Variants in GRID2 observed in about 807,000 individuals in gnomAD.
The protein encoded by GRID2 is glutamate ionotropic receptor delta type subunit 2, also known as glutamate receptor ionotropic, delta-2.
Under a neutral mutation model 114.8 loss-of-function variants are expected in GRID2, and 33 were observed. The observed-to-expected ratio is 0.29, with a 90% CI of 0.22 to 0.38. The LOEUF (loss-of-function observed/expected upper bound fraction) is 0.38, where lower values mean the gene tolerates loss of function less well. GRID2 is among the 10% of genes least tolerant of loss of function. The pLI is 1.00. For synonymous variants in GRID2, 505 were observed against 449.9 expected (o/e 1.12, Z -1.55); for missense variants, 1,184 against 1,257.7 (o/e 0.94, Z 0.89).
intron 2 of GRID2, among the ~76,000 whole-genome samples, chr4:92,656,745 G>A (rs1489851927): frequency 2.0e-5 from 3 of 151,682 alleles, no homozygotes; most frequent in Non-Finnish European, 4.4e-5. Flanking sequence ...GAATCCCTGA[G>A]AAATGTGCTG....
At chr4:93,717,502 A>G (rs1021283479) in intron 14 of GRID2, among the ~76,000 whole-genome samples, 2 of 152,076 alleles carry the variant, frequency 1.3e-5, no homozygotes, top group East Asian at 3.9e-4. Context: ...AGCATTACTT[A>G]AGCACTGCTA....
chr4:92,734,605 A>T (rs1396246559), intron 2 of GRID2, among the ~76,000 whole-genome samples: 1 of 151,816 alleles, frequency 6.6e-6, no homozygotes, highest in South Asian at 2.1e-4. Flanking sequence ...TACTTGGTGA[A>T]ATTTCTAAAG....
chr4:93,757,123 C>T (rs1017491598), intron 14 of GRID2, among the ~76,000 whole-genome samples: 1 of 152,100 alleles, frequency 6.6e-6, no homozygotes, highest in African/African-American at 2.4e-5. Flanking sequence ...CTTATTCACT[C>T]ATATTTACTA....
intron 4 of GRID2, among the ~76,000 whole-genome samples, chr4:93,201,436 T>G (rs1442798972): frequency 1.3e-5 from 2 of 152,182 alleles, no homozygotes; most frequent in Non-Finnish European, 2.9e-5. Flanking sequence ...TTCCAGCGTA[T>G]CTGCTGGTGT....
chr4:92,787,120 T>G (rs1739357726), intron 2 of GRID2, among the ~76,000 whole-genome samples: 2 of 151,858 alleles, frequency 1.3e-5, no homozygotes, highest in Non-Finnish European at 1.5e-5. Flanking sequence ...ACATACCAAA[T>G]AGTGTAGTCC....
chr4:92,611,895 T>TG (rs1729764052), intron 2 of GRID2, among the ~76,000 whole-genome samples: 3 of 151,448 alleles, frequency 2.0e-5, no homozygotes, highest in African/African-American at 7.2e-5. Flanking sequence ...TGATAAGAGT[T>TG]TTTTTTTAAT....
intron 1 of GRID2, among the ~76,000 whole-genome samples, chr4:92,400,578 A>G (rs1341575536): frequency 6.6e-6 from 1 of 152,080 alleles, no homozygotes; most frequent in African/African-American, 2.4e-5. Flanking sequence ...TTTGTGTGCA[A>G]GTGTTTGTGT....
chr4:93,003,548 A>ATAT (rs1259524876), intron 2 of GRID2, among the ~76,000 whole-genome samples: 1 of 151,944 alleles, frequency 6.6e-6, no homozygotes, highest in Non-Finnish European at 1.5e-5. Context: ...TACATTTGTG[A>ATAT]TATTACTTTT....
intron 14 of GRID2, among the ~76,000 whole-genome samples, chr4:93,766,841 A>C (rs959661373): frequency 6.6e-6 from 1 of 152,064 alleles, no homozygotes; most frequent in Non-Finnish European, 1.5e-5. Context: ...TTCTATGAAA[A>C]TTTTTAATGT....
chr4:92,555,887 A>T (rs1289314967), intron 1 of GRID2, among the ~76,000 whole-genome samples: 2 of 152,174 alleles, frequency 1.3e-5, no homozygotes, highest in Non-Finnish European at 2.9e-5. Context: ...AGGCTGCCTC[A>T]GTGAGCTCTA....
At chr4:92,393,996 T>C (rs909518571) in intron 1 of GRID2, among the ~76,000 whole-genome samples, 1 of 152,124 alleles carries the variant, frequency 6.6e-6, no homozygotes, top group Non-Finnish European at 1.5e-5. Flanking sequence ...TCTGCTTCAG[T>C]GATCATATTT....
chr4:92,878,471 A>G (rs1257520356), intron 2 of GRID2, among the ~76,000 whole-genome samples: 2 of 152,130 alleles, frequency 1.3e-5, no homozygotes, highest in Non-Finnish European at 2.9e-5. Flanking sequence ...AAGTCTGGCT[A>G]GAGGATGGGG....
chr4:93,750,415 T>C (rs1732219143), intron 14 of GRID2, among the ~76,000 whole-genome samples: 1 of 152,134 alleles, frequency 6.6e-6, no homozygotes, highest in East Asian at 1.9e-4. Context: ...ATTCCAATGA[T>C]CACCCAGTAG....
At chr4:93,094,867 A>C (rs2149333244) in intron 3 of GRID2, among the ~76,000 whole-genome samples, 1 of 152,130 alleles carries the variant, frequency 6.6e-6, no homozygotes, top group African/African-American at 2.4e-5. Context: ...AGCATAAGTA[A>C]CTACAAATAA....
At chr4:92,854,115 A>G (rs1744016069) in intron 2 of GRID2, among the ~76,000 whole-genome samples, 1 of 151,932 alleles carries the variant, frequency 6.6e-6, no homozygotes, top group Non-Finnish European at 1.5e-5. Context: ...GCTTCACCTT[A>G]TCATCCCTAA....
chr4:93,611,377 T>G (rs1323251030), intron 13 of GRID2, among the ~76,000 whole-genome samples: 2 of 89,938 alleles, frequency 2.2e-5, no homozygotes, highest in Non-Finnish European at 4.2e-5. Flanking sequence ...TGTTTGCTCT[T>G]GCTTTTCTAG....
Position 93,274,491 on chromosome 4 carries a change from CA to C in GRID2, c.1245+36005del, listed in dbSNP as rs538085518. 3.1e-3 allele frequency among the ~76,000 whole-genome samples: 474 copies of C among 152,078 alleles called. 3 individuals are homozygous for C. The highest frequency in any genetic ancestry group is 4.2e-3 in the Non-Finnish European group (287 of 67,974). ...GAAAAAAGAAGTAAATAATCACTAC[CA>C]AAATTAGGTAATGGTCTCATACTGC... On this transcript the variant is annotated intron_variant, in intron 8 of 15. Coordinates refer to ENST00000282020, the MANE Select transcript of GRID2 (RefSeq NM_001510.4).
chr4:92,646,722 C>G (rs1173176779), intron 2 of GRID2, among the ~76,000 whole-genome samples: 1 of 152,224 alleles, frequency 6.6e-6, no homozygotes, highest in East Asian at 1.9e-4. Context: ...GGTGTCTATT[C>G]AATATCTTCA....
intron 2 of GRID2, among the ~76,000 whole-genome samples, chr4:92,772,388 G>T: frequency 6.6e-6 from 1 of 151,848 alleles, no homozygotes; most frequent in Admixed American, 6.6e-5. Flanking sequence ...GATTTCCTGT[G>T]CCCTACTCTC....
Sources: allele counts gnomAD v4.1 joint callset (sites outside exome capture counted in the v4.1 genomes callset), GRCh38; gene constraint gnomAD v4.1.1; transcripts MANE v1.5; gene names NCBI Gene and HGNC (gene_info 2026-07-23, HGNC 2026-07-21).